The following RASL12 variants were observed in gnomAD, a reference collection of about 807,000 sequenced individuals.
RASL12 encodes ras-like protein family member 12.
In RASL12, 16 loss-of-function variants were observed where a neutral mutation model predicts 22.9. The observed-to-expected ratio is 0.70, with a 90% CI of 0.47 to 1.06. The LOEUF is 1.06. Among genes scored for constraint, RASL12 ranks in the 50% least tolerant of loss-of-function variants. The probability of loss-of-function intolerance (pLI) is 0.00; values close to 1 mark genes in which losing one functional copy is unlikely to be tolerated. For missense variants in RASL12, 306 were observed against 353.1 expected, an observed-to-expected ratio of 0.87 and a Z score of 1.07; for synonymous variants, 159 against 152.2, an observed-to-expected ratio of 1.04 and a Z score of -0.33.
At chr15:65,049,901 CTT>C, downstream of RASL12, 1 of 758,116 alleles carries the variant, frequency 1.3e-6, no homozygotes, top group Non-Finnish European at 2.1e-6. Context: ...TTCCAGGGGT[CTT>C]CACGGCTTCT....
At chr15:65,051,701 T>C (rs548621007), downstream of RASL12, 23 of 1,096,702 alleles carry the variant, frequency 2.1e-5, no homozygotes, top group African/African-American at 2.8e-4. Flanking sequence ...TTAGGGGTCA[T>C]TGCTGTCCAC....
chr15:65,053,278 CTTTCTTTCTTTTT>C (rs2086680152), downstream of RASL12: 1 of 1,429,570 alleles, frequency 7.0e-7, no homozygotes, highest in Non-Finnish European at 9.1e-7. Flanking sequence ...TTTTCTTTTT[CTTTCTTTCTTTTT>C]TTTTTTCTTA....
chr15:65,058,305 C>T, intron 4 of RASL12, 122 bp downstream of exon 4: 1 of 766,148 alleles, frequency 1.3e-6, no homozygotes, highest in East Asian at 3.2e-5. Flanking sequence ...CATATAATCC[C>T]TTCTACCACA....
rs2086684094 is a variant in RASL12, at chr15:65,053,438, C to T, written c.*1461G>A. On this transcript the variant is annotated 3_prime_UTR_variant, in exon 5 of 5. Coordinates refer to ENST00000220062, the MANE Select transcript of RASL12 (RefSeq NM_016563.4). ...GCAGTGGTACACACACACATACACA[C>T]ACAAGTGGCCTGGAGCAAAAGTGCA... is the stretch of plus-strand genomic sequence containing the variant. 2 of 1,230,954 alleles carry T rather than the reference C, an allele frequency of 1.6e-6. No homozygotes were observed. Among genetic ancestry groups the T allele is most frequent in the East Asian group, 4.3e-5 (1 of 23,482 alleles). The allele number at this position is 1,230,954 out of a possible 1,614,324, so 76.3% of individuals were successfully genotyped here. A position where few individuals can be genotyped will look rare whatever the true frequency, so the allele number is the denominator to read the frequency against.
At chr15:65,051,787 C>CAAAA (rs1555405611), downstream of RASL12, among the ~76,000 whole-genome samples, 1 of 151,116 alleles carries the variant, frequency 6.6e-6, no homozygotes, top group Non-Finnish European at 1.5e-5. Flanking sequence ...AACAAACAAA[C>CAAAA]AAAAAACAGC....
rs148783679 is a variant in RASL12, at chr15:65,055,378, G to T, written c.426-104C>A. 22 of 1,029,440 alleles carry T rather than the reference G, an allele frequency of 2.1e-5. No homozygotes were observed. The African/African-American group carries it at 2.9e-4, about 14-fold the overall frequency. 63.8% of individuals were successfully genotyped at this position (1,029,440 alleles called of 1,614,324 possible). ...CCCCATGGACTAGCTGGGTGGCCTG[G>T]GGTCATCTTCACCTCTCTGAGTCTC... On this transcript the variant is annotated intron_variant, in intron 4 of 4. Transcript: ENST00000220062.
rs557163146 is a variant in RASL12, at chr15:65,064,494, G to A, written c.160+723C>T. Among the ~76,000 whole-genome samples, 4 of 152,258 alleles carry A rather than the reference G, an allele frequency of 2.6e-5. No homozygotes were observed. In the East Asian group the frequency reaches 7.7e-4, roughly 29 times the overall value. ...TGTTTTCTCATACGGTTAAAAAACT[G>A]GTTCAGAAGCCAGCACCACTAGAGA... On this transcript the variant is annotated intron_variant, in intron 2 of 4. Transcript: ENST00000220062.
At chr15:65,073,594 G>A (rs975354633) in intron 1 of RASL12, among the ~76,000 whole-genome samples, 14 of 152,324 alleles carry the variant, frequency 9.2e-5, no homozygotes, top group African/African-American at 3.1e-4. Context: ...CTCTGGCTGC[G>A]CGGCCTGGTT....
chr15:65,051,710 A>C, downstream of RASL12: 1 of 971,656 alleles, frequency 1.0e-6, no homozygotes, highest in South Asian at 1.4e-5. Context: ...ATTGCTGTCC[A>C]CCCTTTGGGA....
chr15:65,055,275 C>T lies in RASL12; in HGVS notation c.426-1G>A. 6.4e-7 allele frequency: 1 copy of T among 1,556,270 alleles called. No homozygotes were observed. The highest frequency in any genetic ancestry group is 2.3e-5 in the East Asian group (1 of 44,174). On this transcript the variant is annotated splice_acceptor_variant, in intron 4 of 4. Coordinates refer to ENST00000220062, the MANE Select transcript of RASL12 (RefSeq NM_016563.4). LOFTEE classifies it high-confidence loss of function. Reference sequence around the variant, plus strand: ...CACACCCTCTGCCTTGGTGACTTGCCTGGTGAGGAAGCAGTGTGAGGCAGG... The same window carrying T: ...CACACCCTCTGCCTTGGTGACTTGCTTGGTGAGGAAGCAGTGTGAGGCAGG...
chr15:65,063,875 G>A (rs2086843660), intron 2 of RASL12, among the ~76,000 whole-genome samples: 2 of 152,198 alleles, frequency 1.3e-5, no homozygotes, highest in South Asian at 2.1e-4. Context: ...GGTGCGGCAG[G>A]AGCGCTGGAT....
chr15:65,065,196 G>A (rs779049909), intron 2 of RASL12, 21 bp downstream of exon 2: 2 of 1,609,984 alleles, frequency 1.2e-6, no homozygotes, highest in Admixed American at 1.7e-5. Context: ...GCAGCAGAAG[G>A]TACGGGGAGT....
intron 1 of RASL12, among the ~76,000 whole-genome samples, chr15:65,073,549 A>G (rs1299917926): frequency 6.6e-6 from 1 of 152,198 alleles, no homozygotes; most frequent in Non-Finnish European, 1.5e-5. Context: ...GAGCGGCTGT[A>G]AATATAGATG....
intron 1 of RASL12, among the ~76,000 whole-genome samples, chr15:65,075,053 G>C (rs906519447): frequency 1.3e-5 from 2 of 152,228 alleles, no homozygotes; most frequent in African/African-American, 4.8e-5. Flanking sequence ...CCGGGGCTGC[G>C]TGTGGCGCTT....
chr15:65,056,399 C>G (rs2086732391), intron 4 of RASL12, among the ~76,000 whole-genome samples: 1 of 152,164 alleles, frequency 6.6e-6, no homozygotes, highest in Admixed American at 6.5e-5. Flanking sequence ...AAAAAAGAGT[C>G]AGAGGCATCG....
intron 2 of RASL12, among the ~76,000 whole-genome samples, chr15:65,064,744 A>G (rs1365644279): frequency 6.6e-6 from 1 of 151,850 alleles, no homozygotes; most frequent in Non-Finnish European, 1.5e-5. Flanking sequence ...TTACAGGCAC[A>G]CACCACTATG....
the RASL12 span, among the ~76,000 whole-genome samples, chr15:65,047,904 C>T: frequency 1.3e-5 from 2 of 152,102 alleles, no homozygotes; most frequent in East Asian, 3.8e-4. Context: ...AAGGGCCAGG[C>T]ACGGTGGCTC....
chr15:65,054,499 C>T lies in RASL12; in HGVS notation c.*400G>A. 1 of 1,006,006 alleles carries T rather than the reference C, an allele frequency of 9.9e-7. No homozygotes were observed. Among genetic ancestry groups the T allele is most frequent in the African/African-American group, 1.7e-5 (1 of 58,218 alleles). 62.3% of individuals were successfully genotyped at this position (1,006,006 alleles called of 1,614,324 possible). A position where few individuals can be genotyped will look rare whatever the true frequency, so the allele number is the denominator to read the frequency against. ...CCAGGCTGTCATTCCGCAGGCTGTT[C>T]TCGGGCCTGACATTGACAGAGCCAT... is the stretch of plus-strand genomic sequence containing the variant. On this transcript the variant is annotated 3_prime_UTR_variant, in exon 5 of 5. Coordinates refer to ENST00000220062, the MANE Select transcript of RASL12 (RefSeq NM_016563.4).
intron 1 of RASL12, among the ~76,000 whole-genome samples, chr15:65,075,963 T>C (rs2086965228): frequency 6.6e-6 from 1 of 152,250 alleles, no homozygotes; most frequent in Non-Finnish European, 1.5e-5. Flanking sequence ...ACACTCTGTA[T>C]CTAGCTGCTC....
Sources: gnomAD v4.1 joint callset for allele counts (sites outside exome capture counted in the v4.1 genomes callset) on GRCh38, gnomAD v4.1.1 for gene constraint, MANE v1.5 for transcripts, NCBI Gene and HGNC (gene_info 2026-07-23, HGNC 2026-07-21) for gene names.